The following PPP2R3C variants were observed in gnomAD, a reference collection of about 807,000 sequenced individuals.
PPP2R3C encodes serine/threonine-protein phosphatase 2A regulatory subunit B'' subunit gamma.
Under a neutral mutation model 63.7 loss-of-function variants are expected in PPP2R3C, and 47 were observed. That is an observed-to-expected ratio of 0.74 (90% CI 0.58 to 0.94). The LOEUF is 0.94. Among genes scored for constraint, PPP2R3C ranks in the 40% least tolerant of loss-of-function variants. PPP2R3C has a pLI of 0.00. For synonymous variants in PPP2R3C, 180 were observed against 177.4 expected (o/e 1.01, Z -0.12); for missense variants, 421 against 518.4 (o/e 0.81, Z 1.82).
intron 6 of PPP2R3C, among the ~76,000 whole-genome samples, chr14:35,106,105 A>T (rs1003492568): frequency 4.6e-5 from 7 of 152,100 alleles, no homozygotes; most frequent in African/African-American, 1.4e-4. Flanking sequence ...TCGGCCTCCC[A>T]AAGTGCTGGG....
At chr14:35,121,707 T>C (rs757325994) in intron 1 of PPP2R3C, 195 bp downstream of exon 1, 61 of 594,866 alleles carry the variant, frequency 1.0e-4, no homozygotes, top group Non-Finnish European at 1.6e-4. Flanking sequence ...TTTTCGTTCC[T>C]CTAGATTCTG....
At position 35,096,645 on chromosome 14, in the gene PPP2R3C, CA is replaced by C; in HGVS notation, c.763-13del. On this transcript the variant is annotated splice_polypyrimidine_tract_variant and intron_variant, in intron 8 of 12. Coordinates refer to ENST00000261475, the MANE Select transcript of PPP2R3C (RefSeq NM_017917.4). ...TCCTCATCCCTTAGCTAATGGAACA[CA>C]AAGACATAATTAGAAGATAGCAACT... 1 of 1,612,364 alleles carries C rather than the reference CA, an allele frequency of 6.2e-7. No individual in the cohort carries two copies. The highest frequency in any genetic ancestry group is 8.5e-7 in the Non-Finnish European group (1 of 1,179,428).
chr14:35,087,864 A>G lies in PPP2R3C; in HGVS notation c.1173+87T>C, dbSNP rs45532641. On this transcript the variant is annotated intron_variant, in intron 12 of 12. Coordinates refer to ENST00000261475, the MANE Select transcript of PPP2R3C (RefSeq NM_017917.4). ...AAACACTTGATTCAAATAGTACTTC[A>G]TTAGTTGCTTTCATATAAAATTTCA... The G allele has an allele frequency of 6.6e-3, 6,720 of 1,013,210 alleles. 39 individuals are homozygous for G. Among genetic ancestry groups the G allele is most frequent in the Non-Finnish European group, 9.0e-3 (5,864 of 651,526 alleles). The allele number at this position is 1,013,210 out of a possible 1,614,324, so 62.8% of individuals were successfully genotyped here.
intron 7 of PPP2R3C, among the ~76,000 whole-genome samples, chr14:35,098,327 G>A (rs184977417): frequency 1.4e-5 from 2 of 144,268 alleles, no homozygotes; most frequent in Admixed American, 7.1e-5. Flanking sequence ...CTACAGCCGT[G>A]TGTCACTACG....
chr14:35,118,561 C>T (rs8014760), intron 1 of PPP2R3C, among the ~76,000 whole-genome samples: 16,040 of 151,844 alleles, frequency 0.11, 1,068 homozygotes, highest in African/African-American at 0.19. Context: ...TGGCACAAAA[C>T]AGGCATGCAA....
chr14:35,091,128 A>G lies in PPP2R3C; in HGVS notation c.1055T>C (p.Leu352Pro). The G allele has an allele frequency of 6.2e-7, 1 of 1,607,840 alleles. No individual in the cohort carries two copies. The highest frequency in any genetic ancestry group is 8.5e-7 in the Non-Finnish European group (1 of 1,175,424). ...EPAALQYIFK[L>P]LDIENKGYLN... ...GTATCCTTTGTTCTCAATATCAAGC[A>G]GTTTGAAAATATATTGTAGAGCTGC... Residue 352 changes from leucine (L) to proline (P), a missense_variant, in exon 11 of 13, where the codon CTG (leucine) becomes CCG (proline). Transcript: ENST00000261475.
chr14:35,091,693 A>G (rs1357773638), intron 10 of PPP2R3C, among the ~76,000 whole-genome samples: 1 of 151,538 alleles, frequency 6.6e-6, no homozygotes, highest in African/African-American at 2.4e-5. Context: ...TAATCTACAC[A>G]GGACAGTTTT....
At chr14:35,095,396 A>G (rs2045959306) in intron 9 of PPP2R3C, among the ~76,000 whole-genome samples, 1 of 152,190 alleles carries the variant, frequency 6.6e-6, no homozygotes, top group South Asian at 2.1e-4. Context: ...AAAACCCATC[A>G]TGAAGGCCAT....
At chr14:35,088,125 C>T (rs45557631) in intron 11 of PPP2R3C, 115 bp from the exon 12 acceptor site, 16,441 of 761,212 alleles carry the variant, frequency 0.022, 251 homozygotes, top group Non-Finnish European at 0.028. Context: ...CAAACCTCAT[C>T]ATTCTCTCTC....
chr14:35,095,255 A>C, intron 9 of PPP2R3C, 71 bp from the exon 10 acceptor site: 2 of 1,484,998 alleles, frequency 1.3e-6, no homozygotes, highest in Non-Finnish European at 1.8e-6. Context: ...GACTAACAAA[A>C]AGTTTTTTCT....
intron 11 of PPP2R3C, among the ~76,000 whole-genome samples, chr14:35,090,670 T>A (rs187742963): frequency 9.3e-4 from 141 of 152,094 alleles, no homozygotes; most frequent in African/African-American, 3.3e-3. Context: ...CATTCAATAC[T>A]ATAAATTTCC....
At chr14:35,097,231 AAAGAG>A (rs1435217157) in intron 7 of PPP2R3C, among the ~76,000 whole-genome samples, 1 of 152,136 alleles carries the variant, frequency 6.6e-6, no homozygotes, top group Non-Finnish European at 1.5e-5. Context: ...TGCAAAAAAA[AAAGAG>A]AAACCTACAG....
chr14:35,102,948 C>T (rs2046245223), intron 6 of PPP2R3C, among the ~76,000 whole-genome samples: 1 of 151,724 alleles, frequency 6.6e-6, no homozygotes, highest in Non-Finnish European at 1.5e-5. Flanking sequence ...TTAGTGGAGA[C>T]GGGGTTTCGT....
upstream of PPP2R3C, chr14:35,122,061 G>T: frequency 7.7e-7 from 1 of 1,296,888 alleles, no homozygotes; most frequent in East Asian, 2.4e-5. Context: ...AGGTTAGGAA[G>T]GCCGTCCAAC....
intron 12 of PPP2R3C, 48 bp downstream of exon 12, chr14:35,087,903 A>T (rs771238785): frequency 7.3e-7 from 1 of 1,372,344 alleles, no homozygotes; most frequent in Non-Finnish European, 1.0e-6. Flanking sequence ...AATACAAATG[A>T]CTATCTCATA....
At chr14:35,114,810 T>G (rs2046661246) in intron 2 of PPP2R3C, among the ~76,000 whole-genome samples, 1 of 152,024 alleles carries the variant, frequency 6.6e-6, no homozygotes, top group Non-Finnish European at 1.5e-5. Context: ...CTGGCCAACA[T>G]GGTGAAACCC....
At chr14:35,096,433 TA>T in intron 9 of PPP2R3C, 124 bp downstream of exon 9, 2 of 934,946 alleles carry the variant, frequency 2.1e-6, no homozygotes, top group Non-Finnish European at 3.3e-6. Context: ...TGTAGAATAC[TA>T]AAGCTTAAGG....
At chr14:35,115,915 G>A (rs1388768639) in intron 2 of PPP2R3C, among the ~76,000 whole-genome samples, 1 of 152,032 alleles carries the variant, frequency 6.6e-6, no homozygotes, top group Non-Finnish European at 1.5e-5. Flanking sequence ...GAGCCACCAT[G>A]CCTGGCCTCA....
At chr14:35,087,844 C>G in intron 12 of PPP2R3C, 107 bp downstream of exon 12, 1 of 852,622 alleles carries the variant, frequency 1.2e-6, no homozygotes, top group South Asian at 1.5e-5. Flanking sequence ...AAAGCAAACA[C>G]TTGATTCAAA....
Sources: allele counts gnomAD v4.1 joint callset (sites outside exome capture counted in the v4.1 genomes callset), GRCh38; gene constraint gnomAD v4.1.1; transcripts MANE v1.5; gene names NCBI Gene and HGNC (gene_info 2026-07-23, HGNC 2026-07-21).